The following ITGB1 variants were observed in gnomAD, a reference collection of about 807,000 sequenced individuals.
ITGB1 encodes integrin beta-1.
In ITGB1, 24 loss-of-function variants were observed where a neutral mutation model predicts 86.5. The ratio of observed to expected loss-of-function variants is 0.28; its 90% CI spans 0.20 to 0.39. ITGB1 has a LOEUF of 0.39. ITGB1 is among the 10% of genes least tolerant of loss of function. The pLI is 1.00. For missense variants in ITGB1, 556 were observed against 946.9 expected (o/e 0.59, Z 5.42); for synonymous variants, 323 against 316.8 (o/e 1.02, Z -0.21).
intron 12 of ITGB1, 92 bp from the exon 13 acceptor site, chr10:32,911,762 T>A: frequency 6.8e-7 from 1 of 1,467,868 alleles, no homozygotes; most frequent in South Asian, 1.2e-5. Flanking sequence ...TGTGAGAAAG[T>A]ATACCTAGGG....
intron 15 of ITGB1, among the ~76,000 whole-genome samples, chr10:32,906,241 G>A (rs2488318): frequency 0.67 from 102,290 of 152,052 alleles, 39,178 homozygotes; most frequent in Non-Finnish European, 0.84. Flanking sequence ...TTTGGATTTC[G>A]TGATCAATTT....
At chr10:32,938,717 C>T (rs1047409112) in intron 1 of ITGB1, among the ~76,000 whole-genome samples, 8 of 152,170 alleles carry the variant, frequency 5.3e-5, no homozygotes, top group Admixed American at 1.3e-4. Flanking sequence ...CTGCGACTGG[C>T]GACTGGCGGG....
At chr10:32,944,814 C>G in intron 1 of ITGB1, 1 of 911,732 alleles carries the variant, frequency 1.1e-6, no homozygotes, top group Non-Finnish European at 1.8e-6. Context: ...GAATTCAACC[C>G]TCCCAAAACT....
chr10:32,926,820 C>T (rs1374982654), intron 5 of ITGB1, among the ~76,000 whole-genome samples: 1 of 152,164 alleles, frequency 6.6e-6, no homozygotes, highest in Non-Finnish European at 1.5e-5. Flanking sequence ...GTGAGTACAT[C>T]GCAAGAAGGT....
chr10:32,924,115 T>C (rs1480631654), intron 6 of ITGB1, among the ~76,000 whole-genome samples: 1 of 152,216 alleles, frequency 6.6e-6, no homozygotes, highest in Non-Finnish European at 1.5e-5. Context: ...TAAATGAAAG[T>C]GTCTGAGCCT....
rs1044624812 is a variant in ITGB1, at chr10:32,901,233, T to C, written c.*337A>G. 1 of 196,606 alleles carries C rather than the reference T, an allele frequency of 5.1e-6. No homozygotes were observed. The highest frequency in any genetic ancestry group is 2.5e-5 in the African/African-American group (1 of 40,078). The allele number at this position is 196,606 out of a possible 1,614,324, so 12.2% of individuals were successfully genotyped here. ...ACATGATTAACAGAAACTCTCATCA[T>C]GCTCATTACTTTAACTATTGCCCTT... On this transcript the variant is annotated 3_prime_UTR_variant, in exon 16 of 16. Transcript: ENST00000302278.
chr10:32,905,767 G>C (rs2094894510), intron 15 of ITGB1, among the ~76,000 whole-genome samples: 2 of 152,176 alleles, frequency 1.3e-5, no homozygotes, highest in Admixed American at 1.3e-4. Flanking sequence ...GAGACACAGT[G>C]ATTTTTATGT....
intron 4 of ITGB1, among the ~76,000 whole-genome samples, chr10:32,929,116 G>A (rs2094974845): frequency 6.6e-6 from 1 of 152,142 alleles, no homozygotes; most frequent in African/African-American, 2.4e-5. Flanking sequence ...GCAATGGTAA[G>A]AGACACAAAG....
intron 1 of ITGB1, among the ~76,000 whole-genome samples, chr10:32,951,954 C>T (rs946483013): frequency 6.6e-6 from 1 of 152,154 alleles, no homozygotes; most frequent in African/African-American, 2.4e-5. Context: ...TAATTATATC[C>T]ACTTTTTAAG....
intron 1 of ITGB1, among the ~76,000 whole-genome samples, chr10:32,945,507 G>A (rs938275901): frequency 1.3e-5 from 2 of 152,066 alleles, no homozygotes; most frequent in Admixed American, 1.3e-4. Flanking sequence ...GCTGAGGCAG[G>A]AGAATGGCGT....
In ITGB1 at chr10:32,942,502, AG is replaced by A. The variant is rs1403689983; in HGVS notation, c.1-6945del. On this transcript the variant is annotated intron_variant, in intron 1 of 15. Transcript: ENST00000302278. ...GATGGATTCTAGGCTCCAAGAAAAT[AG>A]GGCCTGGGTGTATCTTATTTATAGC... 7.2e-5 allele frequency among the ~76,000 whole-genome samples: 11 copies of A among 152,308 alleles called. No homozygotes were observed. The East Asian group carries it at 1.9e-3, about 27-fold the overall frequency.
chr10:32,912,884 G>A (rs1012926508), intron 11 of ITGB1, among the ~76,000 whole-genome samples: 38 of 152,162 alleles, frequency 2.5e-4, no homozygotes, highest in African/African-American at 8.4e-4. Context: ...CCCTGAGCCC[G>A]AGTAGCCTAA....
chr10:32,933,311 A>G (rs974980613), intron 2 of ITGB1: 5 of 152,164 alleles, frequency 3.3e-5, no homozygotes, highest in South Asian at 2.1e-4. Context: ...AAAACTGGGC[A>G]AAGTATTATT....
chr10:32,927,646 T>C (rs1349773334), intron 5 of ITGB1, among the ~76,000 whole-genome samples: 2 of 151,790 alleles, frequency 1.3e-5, no homozygotes. Flanking sequence ...TACAAAAAAT[T>C]AGTTGGGGGT....
rs976753486 is a variant in ITGB1 at position 32,957,479 on chromosome 10, G to T, written c.-1+666C>A. On this transcript the variant is annotated intron_variant, in intron 1 of 15. Coordinates refer to ENST00000302278, the MANE Select transcript of ITGB1 (RefSeq NM_002211.4). ...GGCGACTCTTGACGTTTATAAACAC[G>T]GGGAAGTGGACTGCACTGCCGCCAC... is the stretch of plus-strand genomic sequence containing the variant. Among the ~76,000 whole-genome samples, 18 of 152,250 alleles carry T rather than the reference G, an allele frequency of 1.2e-4. No homozygotes were observed. The East Asian group carries it at 3.5e-3, about 30-fold the overall frequency.
At chr10:32,906,092 T>C (rs1451599785) in intron 15 of ITGB1, among the ~76,000 whole-genome samples, 2 of 151,978 alleles carry the variant, frequency 1.3e-5, no homozygotes, top group Non-Finnish European at 2.9e-5. Flanking sequence ...TATACATACA[T>C]ATATATGGTC....
chr10:32,910,436 C>T lies in ITGB1; in HGVS notation c.1951G>A (p.Ala651Thr). ...TCTTTCTTTTCTCCTTTATTGAAGG[C>T]TCTGCACTGAACACATTCTCTGTTA... ...AEHKECVQCR[A>T]FNKGEKKDTC... Residue 651 changes from alanine (A) to threonine (T), a missense_variant, in exon 14 of 16, where the codon GCC (alanine) becomes ACC (threonine). Around this residue, in one of 4 missense-constraint regions of ITGB1, gnomAD observed 330 missense variants for 531.5 expected, o/e 0.62. Coordinates refer to ENST00000302278, the MANE Select transcript of ITGB1 (RefSeq NM_002211.4). 1.9e-6 allele frequency: 3 copies of T among 1,581,504 alleles called. No individual in the cohort carries two copies. The highest frequency in any genetic ancestry group is 2.6e-6 in the Non-Finnish European group (3 of 1,158,078).
At chr10:32,951,904 C>CAATTGAAATT (rs2137267999) in intron 1 of ITGB1, 1 of 152,252 alleles carries the variant, frequency 6.6e-6, no homozygotes, top group African/African-American at 2.4e-5. Context: ...GACTTATTCC[C>CAATTGAAATT]CGTAATTTCA....
intron 2 of ITGB1, among the ~76,000 whole-genome samples, chr10:32,932,966 T>TA (rs1218509122): frequency 1.3e-5 from 2 of 152,140 alleles, no homozygotes; most frequent in Non-Finnish European, 2.9e-5. Context: ...TATTATTGAC[T>TA]ACAGTCACCC....
Sources: gnomAD v4.1 joint callset for allele counts (sites outside exome capture counted in the v4.1 genomes callset) on GRCh38, gnomAD v4.1.1 for gene constraint, gnomAD v4.1.1 regional missense constraint, MANE v1.5 for transcripts, NCBI Gene and HGNC (gene_info 2026-07-23, HGNC 2026-07-21) for gene names.